The following GLMN variants were observed in gnomAD, a reference collection of about 807,000 sequenced individuals.
The protein encoded by GLMN is glomulin.
A neutral mutation model predicts 87.8 loss-of-function variants in GLMN; 75 were observed. The ratio of observed to expected loss-of-function variants is 0.85; its 90% CI spans 0.71 to 1.04. GLMN has a LOEUF of 1.04. Among genes scored for constraint, GLMN ranks in the 50% least tolerant of loss-of-function variants. The pLI is 0.00. For missense variants in GLMN, 588 were observed against 658.8 expected (o/e 0.89, Z 1.18); for synonymous variants, 206 against 221.6 (o/e 0.93, Z 0.63).
chr1:92,295,328 T>C (rs1014062604), intron 3 of GLMN, among the ~76,000 whole-genome samples: 1 of 152,104 alleles, frequency 6.6e-6, no homozygotes, highest in African/African-American at 2.4e-5. Context: ...TTTTTTTTTT[T>C]CACTCCTCAA....
intron 7 of GLMN, among the ~76,000 whole-genome samples, chr1:92,277,221 G>A (rs1647394366): frequency 6.6e-6 from 1 of 151,824 alleles, no homozygotes; most frequent in South Asian, 2.1e-4. Context: ...CTATACTCAG[G>A]CTCCCATCAT....
upstream of GLMN, among the ~76,000 whole-genome samples, chr1:92,302,864 T>C (rs968535969): frequency 6.6e-5 from 10 of 151,910 alleles, no homozygotes; most frequent in Non-Finnish European, 1.2e-4. Context: ...CCTCCCAAAG[T>C]GCTGGGATTA....
intron 16 of GLMN, among the ~76,000 whole-genome samples, chr1:92,258,730 A>T (rs1221315654): frequency 6.6e-6 from 1 of 152,166 alleles, no homozygotes; most frequent in African/African-American, 2.4e-5. Context: ...AGGATGGGGA[A>T]CATCACACAC....
chr1:92,329,804 C>T, the GLMN span, among the ~76,000 whole-genome samples: 1 of 152,094 alleles, frequency 6.6e-6, no homozygotes, highest in Non-Finnish European at 1.5e-5. Context: ...CTAATATTTG[C>T]CTTAGAATTT....
chr1:92,251,118 G>A (rs953562579), intron 16 of GLMN, among the ~76,000 whole-genome samples: 12 of 151,994 alleles, frequency 7.9e-5, no homozygotes, highest in African/African-American at 2.9e-4. Context: ...ATACAGAAAA[G>A]GTAAAGGATT....
the GLMN span, among the ~76,000 whole-genome samples, chr1:92,349,162 A>T: frequency 9.1e-4 from 138 of 152,346 alleles, no homozygotes; most frequent in African/African-American, 3.2e-3. Context: ...TTTTTAAGTC[A>T]CAACTTGTAG....
At chr1:92,263,574 A>C (rs1161292445) in intron 15 of GLMN, 49 bp downstream of exon 15, 2 of 855,410 alleles carry the variant, frequency 2.3e-6, no homozygotes, top group Non-Finnish European at 2.1e-6. Context: ...CAGATGTTTC[A>C]CATTTTATTC....
the GLMN span, among the ~76,000 whole-genome samples, chr1:92,370,148 G>T: frequency 6.6e-6 from 1 of 152,228 alleles, no homozygotes; most frequent in African/African-American, 2.4e-5. Context: ...GCCTCCCAAA[G>T]TGCTGGGATT....
chr1:92,307,422 A>T, the GLMN span: 8 of 565,344 alleles, frequency 1.4e-5, no homozygotes, highest in Non-Finnish European at 2.4e-5. Flanking sequence ...TATTTTAAGC[A>T]TAGCTATTAA....
At chr1:92,273,886 C>A (rs1278719904) in intron 7 of GLMN, among the ~76,000 whole-genome samples, 1 of 152,160 alleles carries the variant, frequency 6.6e-6, no homozygotes, top group Non-Finnish European at 1.5e-5. Flanking sequence ...CAGTCTTGCT[C>A]AGATCCAGGC....
At chr1:92,324,303 G>A in the GLMN span, 9 of 1,614,070 alleles carry the variant, frequency 5.6e-6, no homozygotes, top group Admixed American at 1.5e-4. Flanking sequence ...AGTTAAATCT[G>A]AGGATCAGGG....
the GLMN span, among the ~76,000 whole-genome samples, chr1:92,325,882 T>C: frequency 6.6e-6 from 1 of 152,190 alleles, no homozygotes; most frequent in Non-Finnish European, 1.5e-5. Flanking sequence ...CTGTAGTTCA[T>C]TCTTTTATTG....
chr1:92,353,800 T>C, the GLMN span, among the ~76,000 whole-genome samples: 1 of 152,156 alleles, frequency 6.6e-6, no homozygotes, highest in South Asian at 2.1e-4. Context: ...GAAAAACATA[T>C]CTTTAAATTG....
At chr1:92,310,085 C>T in the GLMN span, among the ~76,000 whole-genome samples, 2 of 152,158 alleles carry the variant, frequency 1.3e-5, no homozygotes, top group African/African-American at 4.8e-5. Flanking sequence ...TTATATTCCA[C>T]TTGATTAGAA....
intron 2 of GLMN, 166 bp from the exon 3 acceptor site, chr1:92,297,695 A>G: frequency 1.5e-6 from 1 of 665,652 alleles, no homozygotes; most frequent in East Asian, 2.7e-5. Flanking sequence ...TTACCCTAAT[A>G]AATACTTTAA....
In GLMN at chr1:92,297,998, ATTC is replaced by A. The variant is rs758750471; in HGVS notation, c.-2_1del. 2.0e-6 allele frequency: 3 copies of A among 1,500,728 alleles called. No individual in the cohort carries two copies. The highest frequency in any genetic ancestry group is 2.7e-5 in the African/African-American group (2 of 72,904). 93.0% of individuals were successfully genotyped at this position (1,500,728 alleles called of 1,614,324 possible). ...TATAGACTGAAGTTCCTCTACAGCC[ATTC>A]TTATTTCTCCTAGTTTCGATGCTAA... On this transcript the variant is annotated start_lost and start_retained_variant and 5_prime_UTR_variant, in exon 2 of 19. Coordinates refer to ENST00000370360, the MANE Select transcript of GLMN (RefSeq NM_053274.3).
At chr1:92,351,305 CAAAAA>C in the GLMN span, among the ~76,000 whole-genome samples, 2 of 86,836 alleles carry the variant, frequency 2.3e-5, no homozygotes, top group African/African-American at 4.2e-5. Flanking sequence ...GACTCTGTCT[CAAAAA>C]AAAAAAAAAA....
At chr1:92,352,711 C>A in the GLMN span, among the ~76,000 whole-genome samples, 5 of 152,136 alleles carry the variant, frequency 3.3e-5, no homozygotes, top group South Asian at 1.0e-3. Context: ...TACAGTTCAT[C>A]ATTTGTATAT....
At chr1:92,364,937 A>T in the GLMN span, among the ~76,000 whole-genome samples, 1 of 152,218 alleles carries the variant, frequency 6.6e-6, no homozygotes, top group Non-Finnish European at 1.5e-5. Flanking sequence ...ATGAAATTCA[A>T]GGCCCTTCAG....
Sources: gnomAD v4.1 joint callset for allele counts (sites outside exome capture counted in the v4.1 genomes callset) on GRCh38, gnomAD v4.1.1 for gene constraint, MANE v1.5 for transcripts, NCBI Gene and HGNC (gene_info 2026-07-23, HGNC 2026-07-21) for gene names.